SSH1: variants seen among roughly 807,000 people sequenced by gnomAD.
The protein encoded by SSH1 is protein phosphatase Slingshot homolog 1.
In SSH1, 43 loss-of-function variants were observed where a neutral mutation model predicts 79.7. The ratio of observed to expected loss-of-function variants is 0.54; its 90% confidence interval spans 0.42 to 0.70. SSH1 has a LOEUF of 0.70. SSH1 is among the 30% of genes least tolerant of loss of function. The pLI is 0.00. For missense variants in SSH1, 1,206 were observed against 1,358.8 expected (o/e 0.89, Z 1.77); for synonymous variants, 599 against 538.3 (o/e 1.11, Z -1.56).
chr12:108,810,439 T>A (rs1055373156), intron 6 of SSH1, among the ~76,000 whole-genome samples: 1 of 151,908 alleles, frequency 6.6e-6, no homozygotes, highest in Non-Finnish European at 1.5e-5. Context: ...GGAGAATCAC[T>A]TGAACCCAGG....
intron 5 of SSH1, among the ~76,000 whole-genome samples, chr12:108,813,735 A>G (rs1593069337): frequency 5.9e-5 from 5 of 85,422 alleles, no homozygotes; most frequent in East Asian, 7.5e-4. Context: ...AAAAAAAGGA[A>G]GGAAAGGGAA....
intron 2 of SSH1, among the ~76,000 whole-genome samples, chr12:108,845,164 G>A (rs1343770983): frequency 1.9e-4 from 27 of 144,902 alleles, no homozygotes; most frequent in African/African-American, 5.9e-4. Flanking sequence ...AGCCGAGATC[G>A]CACCACTGCA....
chr12:108,799,744 CA>C (rs527841544), intron 12 of SSH1, among the ~76,000 whole-genome samples: 1 of 151,574 alleles, frequency 6.6e-6, no homozygotes, highest in South Asian at 2.1e-4. Context: ...AGGGCGGCCG[CA>C]AAAAAAAGCC....
intron 2 of SSH1, chr12:108,836,915 C>T (rs1195883502): frequency 1.9e-6 from 1 of 533,366 alleles, no homozygotes; most frequent in African/African-American, 1.9e-5. Flanking sequence ...ACTCTGCAAA[C>T]TGACAGTACT....
chr12:108,802,748 G>A (rs1245305519), intron 10 of SSH1, among the ~76,000 whole-genome samples: 1 of 152,148 alleles, frequency 6.6e-6, no homozygotes, highest in Non-Finnish European at 1.5e-5. Context: ...ACGTTCACAA[G>A]CCACTAATTA....
In SSH1 at chr12:108,788,249, C is replaced by T. The variant is rs759703509; in HGVS notation, c.2889G>A (p.Arg963=). 6 of 1,613,702 alleles carry T rather than the reference C, an allele frequency of 3.7e-6. No individual in the cohort carries two copies. The highest frequency in any genetic ancestry group is 1.1e-5 in the South Asian group (1 of 91,076). Reference sequence around the variant, plus strand: ...GGGAAGAGACGGTGAGGCCCGCCAGCCGGAGCCGGGTCTCAATCTCCTGTG... The same window carrying T: ...GGGAAGAGACGGTGAGGCCCGCCAGTCGGAGCCGGGTCTCAATCTCCTGTG... ...QRTQEIETRL[R]LAGLTVSSPL... The change falls in exon 15 of 15, where the codon CGG becomes CGA. Residue 963 remains arginine, a synonymous_variant. Coordinates refer to ENST00000326495, the MANE Select transcript of SSH1 (RefSeq NM_018984.4).
At position 108,781,345 on chromosome 12, in the gene SSH1, CAGG is replaced by C. The variant is rs1226206904; in HGVS notation, c.*6640_*6642del. 1 of 151,214 alleles carries C rather than the reference CAGG, an allele frequency of 6.6e-6. No individual in the cohort carries two copies. The highest frequency in any genetic ancestry group is 2.4e-5 in the African/African-American group (1 of 41,040). The allele number at this position is 151,214 out of a possible 1,614,324, so 9.4% of individuals were successfully genotyped here. ...AGGCTGAGGCAGGATTGCTGGAGCC[CAGG>C]AGATCAACACTTCAGTGAGCCATGA... On this transcript the variant is annotated 3_prime_UTR_variant, in exon 15 of 15. Coordinates refer to ENST00000326495, the MANE Select transcript of SSH1 (RefSeq NM_018984.4).
At chr12:108,805,385 C>T (rs946787853) in intron 9 of SSH1, among the ~76,000 whole-genome samples, 1 of 152,136 alleles carries the variant, frequency 6.6e-6, no homozygotes, top group African/African-American at 2.4e-5. Context: ...AGAAGTAAAC[C>T]CAACTGGGTA....
chr12:108,828,251 C>T (rs915620500), intron 2 of SSH1, among the ~76,000 whole-genome samples: 3 of 152,150 alleles, frequency 2.0e-5, no homozygotes, highest in African/African-American at 7.2e-5. Flanking sequence ...TCACAAGTGA[C>T]CAAGCGATCC....
chr12:108,783,056 T>C lies in SSH1; in HGVS notation c.*4932A>G, dbSNP rs2036173250. The C allele has an allele frequency of 6.6e-6, 1 of 152,192 alleles. No homozygotes were observed. The allele number at this position is 152,192 out of a possible 1,614,324, so 9.4% of individuals were successfully genotyped here. On this transcript the variant is annotated 3_prime_UTR_variant, in exon 15 of 15. Coordinates refer to ENST00000326495, the MANE Select transcript of SSH1 (RefSeq NM_018984.4). ...GGGTGGTCTAGGTGGTAATAAAATC[T>C]CTATGAAAGAAGAGTATGATTGTGT...
Position 108,787,842 on chromosome 12 carries a change from C to T in SSH1, c.*146G>A, listed in dbSNP as rs551879712. 1 of 1,056,478 alleles carries T rather than the reference C, an allele frequency of 9.5e-7. No homozygotes were observed. Among genetic ancestry groups the T allele is most frequent in the African/African-American group, 1.6e-5 (1 of 63,358 alleles). 65.4% of individuals were successfully genotyped at this position (1,056,478 alleles called of 1,614,324 possible). On this transcript the variant is annotated 3_prime_UTR_variant, in exon 15 of 15. Transcript: ENST00000326495. ...ATGTTGGTTAGTTTCTTCTCCTCCT[C>T]TCTATGGCAAGAGTAGGGGAAAAGT...
intron 6 of SSH1, among the ~76,000 whole-genome samples, chr12:108,810,245 G>A (rs1033538358): frequency 9.2e-5 from 14 of 151,902 alleles, no homozygotes; most frequent in Non-Finnish European, 1.6e-4. Context: ...ATACAAGCCA[G>A]GGGTGGTGGC....
At chr12:108,852,564 T>C in intron 2 of SSH1, 74 bp downstream of exon 2, 1 of 1,583,118 alleles carries the variant, frequency 6.3e-7, no homozygotes, top group Non-Finnish European at 8.7e-7. Context: ...CGTTTTCCCT[T>C]TGGGAGAGGA....
intron 2 of SSH1, among the ~76,000 whole-genome samples, chr12:108,830,236 G>C (rs1286789611): frequency 6.6e-6 from 1 of 152,216 alleles, no homozygotes; most frequent in East Asian, 1.9e-4. Flanking sequence ...TGGATCACTT[G>C]AGGTCAGGAG....
chr12:108,810,784 C>A (rs80105212), intron 6 of SSH1, among the ~76,000 whole-genome samples: 2,203 of 152,328 alleles, frequency 0.014, 23 homozygotes, highest in Middle Eastern at 0.024. Context: ...CGACTGCCTG[C>A]CCGGGTGGAA....
chr12:108,800,729 C>A, intron 12 of SSH1, 51 bp downstream of exon 12: 3 of 1,606,254 alleles, frequency 1.9e-6, no homozygotes, highest in Non-Finnish European at 2.6e-6. Flanking sequence ...CCCACTCTCC[C>A]AGCCTCAGCA....
chr12:108,826,776 A>T (rs2038327664), intron 2 of SSH1, among the ~76,000 whole-genome samples: 1 of 152,188 alleles, frequency 6.6e-6, no homozygotes, highest in African/African-American at 2.4e-5. Context: ...CCACTGGGGA[A>T]GTCCATGAAG....
In SSH1 at chr12:108,826,115, G is replaced by A. The variant is rs767775970; in HGVS notation, c.111-2754C>T. 4.4e-5 allele frequency: 20 copies of A among 454,668 alleles called. 2 individuals carry two copies. Among genetic ancestry groups the A allele is most frequent in the South Asian group, 3.1e-4 (20 of 64,340 alleles). The allele number at this position is 454,668 out of a possible 1,614,324, so 28.2% of individuals were successfully genotyped here. A position where few individuals can be genotyped will look rare whatever the true frequency, so the allele number is the denominator to read the frequency against. ...AAATTCATACTGACCAGAAACCCAA[G>A]CACGCTGGAAACAGCCAACCATTAA... On this transcript the variant is annotated intron_variant, in intron 2 of 14. Coordinates refer to ENST00000326495, the MANE Select transcript of SSH1 (RefSeq NM_018984.4).
At chr12:108,831,601 C>T (rs1480194151) in intron 2 of SSH1, among the ~76,000 whole-genome samples, 1 of 152,050 alleles carries the variant, frequency 6.6e-6, no homozygotes, top group Non-Finnish European at 1.5e-5. Flanking sequence ...TGCAGATGCA[C>T]GTACACACAG....
Sources: allele counts gnomAD v4.1 joint callset (sites outside exome capture counted in the v4.1 genomes callset), GRCh38; gene constraint gnomAD v4.1.1; transcripts MANE v1.5; gene names NCBI Gene and HGNC (gene_info 2026-07-23, HGNC 2026-07-21).